The following TSHZ2 variants were observed in gnomAD, a reference collection of about 807,000 sequenced individuals.
TSHZ2 encodes the protein teashirt homolog 2.
Under a neutral mutation model 74.4 loss-of-function variants are expected in TSHZ2, and 21 were observed. The ratio of observed to expected loss-of-function variants is 0.28; its 90% CI spans 0.20 to 0.41. The LOEUF is 0.41. TSHZ2 is among the 10% of genes least tolerant of loss of function. TSHZ2 has a pLI of 1.00. For synonymous variants in TSHZ2, 540 were observed against 515.3 expected, an observed-to-expected ratio of 1.05 and a Z score of -0.65; for missense variants, 1,244 against 1,293.5, an observed-to-expected ratio of 0.96 and a Z score of 0.59.
intron 1 of TSHZ2, among the ~76,000 whole-genome samples, chr20:52,986,775 T>G (rs1389565356): frequency 6.6e-5 from 10 of 152,208 alleles, no homozygotes; most frequent in Admixed American, 6.5e-4. Context: ...CTGATTACCA[T>G]CAATGTATGG....
chr20:53,113,069 G>A (rs1212259705), intron 1 of TSHZ2, among the ~76,000 whole-genome samples: 1 of 152,184 alleles, frequency 6.6e-6, no homozygotes, highest in Non-Finnish European at 1.5e-5. Flanking sequence ...CAGTGAGATT[G>A]CATATTTGAT....
rs187310483 is a variant in TSHZ2, at chr20:52,988,333, G to A, written c.40+15000G>A. Among the ~76,000 whole-genome samples, 10 of 151,984 alleles carry A rather than the reference G, an allele frequency of 6.6e-5. No homozygotes were observed. The East Asian group carries it at 1.4e-3, about 21-fold the overall frequency. ...GATTATTGGCCAATTGAATAGATAC[G>A]GAAACCTAAGTTTTGGAAATTTCAA... On this transcript the variant is annotated intron_variant, in intron 1 of 2. Transcript: ENST00000371497.
rs1984964073 is a variant in TSHZ2, at chr20:53,065,750, A to G, written c.40+92417A>G. 2.0e-5 allele frequency among the ~76,000 whole-genome samples: 3 copies of G among 152,354 alleles called. No homozygotes were observed. In the South Asian group the frequency reaches 6.2e-4, roughly 32 times the overall value. Reference sequence around the variant, plus strand: ...GTGGCTTTGTGCTGCAGACGTGAATATATAGGTCTCTAGCCCAAATGGCAA... The same window carrying G: ...GTGGCTTTGTGCTGCAGACGTGAATGTATAGGTCTCTAGCCCAAATGGCAA... On this transcript the variant is annotated intron_variant, in intron 1 of 2. Transcript: ENST00000371497.
In TSHZ2 at chr20:53,293,605, C is replaced by G. The variant is rs1991320221; in HGVS notation, c.*8+37034C>G. ...CTTTGAGAAGGGGGAAGGCAAACAACAGTGTGGCACCAGACAGACTGGTTA... is the reference window on the plus strand; with the variant it reads ...CTTTGAGAAGGGGGAAGGCAAACAAGAGTGTGGCACCAGACAGACTGGTTA... On this transcript the variant is annotated intron_variant, in intron 2 of 2. Coordinates refer to ENST00000371497, the MANE Select transcript of TSHZ2 (RefSeq NM_173485.6). 2.0e-5 allele frequency among the ~76,000 whole-genome samples: 3 copies of G among 151,060 alleles called. No individual in the cohort carries two copies. The South Asian group carries it at 6.2e-4, about 31-fold the overall frequency.
chr20:53,470,697 C>G (rs1170718179), intron 2 of TSHZ2, among the ~76,000 whole-genome samples: 1 of 151,990 alleles, frequency 6.6e-6, no homozygotes, highest in African/African-American at 2.4e-5. Context: ...ACCTGTAACC[C>G]CAGCCACTCA....
chr20:53,482,914 CAGAAAA>C (rs1266351000), intron 2 of TSHZ2, among the ~76,000 whole-genome samples: 18 of 151,944 alleles, frequency 1.2e-4, no homozygotes, highest in Middle Eastern at 3.4e-3. Context: ...TCAAAAAAAA[CAGAAAA>C]AGAAAAAGAA....
At chr20:52,999,089 G>A (rs76033404) in intron 1 of TSHZ2, among the ~76,000 whole-genome samples, 6 of 143,384 alleles carry the variant, frequency 4.2e-5, no homozygotes, top group Middle Eastern at 3.5e-3. Context: ...TGAAAACCAC[G>A]TTCTACTCTT....
intron 1 of TSHZ2, 109 bp from the exon 2 acceptor site, chr20:53,253,390 A>G: frequency 6.7e-7 from 1 of 1,482,816 alleles, no homozygotes; most frequent in Non-Finnish European, 8.9e-7. Context: ...AAAAATGTAG[A>G]TTAAATCACC....
intron 2 of TSHZ2, among the ~76,000 whole-genome samples, chr20:53,283,935 A>G (rs1429810197): frequency 1.3e-5 from 2 of 152,220 alleles, no homozygotes; most frequent in Non-Finnish European, 1.5e-5. Flanking sequence ...CGCCTGCTCC[A>G]TCCAATTGAC....
At chr20:53,006,629 C>A (rs1392725170) in intron 1 of TSHZ2, among the ~76,000 whole-genome samples, 1 of 152,226 alleles carries the variant, frequency 6.6e-6, no homozygotes, top group Non-Finnish European at 1.5e-5. Context: ...GATTCACAAA[C>A]CTACATTTCA....
intron 1 of TSHZ2, among the ~76,000 whole-genome samples, chr20:53,222,624 G>T (rs1162946302): frequency 6.6e-6 from 1 of 152,210 alleles, no homozygotes; most frequent in East Asian, 1.9e-4. Context: ...GAGGGACACG[G>T]TGTCACTTAA....
At chr20:53,315,776 ATAAC>A (rs1454070836) in intron 2 of TSHZ2, among the ~76,000 whole-genome samples, 1 of 152,230 alleles carries the variant, frequency 6.6e-6, no homozygotes, top group Non-Finnish European at 1.5e-5. Flanking sequence ...TAATAAATAA[ATAAC>A]TAATCCATTA....
At position 53,394,761 on chromosome 20, in the gene TSHZ2, C is replaced by CAA. The variant is rs3042185; in HGVS notation, c.*9-92365_*9-92364dup. Among the ~76,000 whole-genome samples the CAA allele has an allele frequency of 6.9e-4, 50 of 72,340 alleles. 2 individuals are homozygous for CAA. The highest frequency in any genetic ancestry group is 1.8e-3 in the African/African-American group (34 of 18,636). The allele number at this position is 72,340 out of a possible 152,430, so 47.5% of individuals were successfully genotyped here. On this transcript the variant is annotated intron_variant, in intron 2 of 2. Coordinates refer to ENST00000371497, the MANE Select transcript of TSHZ2 (RefSeq NM_173485.6). ...GCAAACATCACTAATCAATCTGTCT[C>CAA]AAAAAAAAAAAAAAAAAAACTGTTC...
chr20:53,297,248 C>CTT (rs35627909), intron 2 of TSHZ2, among the ~76,000 whole-genome samples: 7,602 of 121,050 alleles, frequency 0.063, 490 homozygotes, highest in African/African-American at 0.15. Flanking sequence ...ATCTCAGAAT[C>CTT]TTTTTTTTTT....
intron 1 of TSHZ2, among the ~76,000 whole-genome samples, chr20:53,192,697 C>T (rs1199916115): frequency 6.6e-6 from 1 of 152,092 alleles, no homozygotes; most frequent in Non-Finnish European, 1.5e-5. Context: ...AAGGAAAATA[C>T]ACAAGGTGAG....
chr20:53,163,486 G>A (rs1273307157), intron 1 of TSHZ2, among the ~76,000 whole-genome samples: 1 of 149,700 alleles, frequency 6.7e-6, no homozygotes, highest in Admixed American at 6.7e-5. Context: ...AAGTTTTAGG[G>A]TACATGTGCA....
At chr20:53,006,148 A>G (rs1982636056) in intron 1 of TSHZ2, among the ~76,000 whole-genome samples, 1 of 152,244 alleles carries the variant, frequency 6.6e-6, no homozygotes. Flanking sequence ...GATGTTCAAC[A>G]TTATAAAAAG....
chr20:53,253,548 G>A lies in TSHZ2; in HGVS notation c.90G>A (p.Glu30=). The change falls in exon 2 of 3, where the codon GAG becomes GAA. Residue 30 remains glutamate, a synonymous_variant. Coordinates refer to ENST00000371497, the MANE Select transcript of TSHZ2 (RefSeq NM_173485.6). ...QLKEEEEIKE[E]EEEEDSGSVA... is the part of the protein sequence containing the mutation. ...AAGAAGAGGAGGAAATAAAAGAAGA[G>A]GAGGAGGAGGAGGACAGCGGTTCAG... is the stretch of plus-strand genomic sequence containing the variant. 4 of 1,609,942 alleles carry A rather than the reference G, an allele frequency of 2.5e-6. No individual in the cohort carries two copies. The highest frequency in any genetic ancestry group is 3.4e-6 in the Non-Finnish European group (4 of 1,177,554).
intron 2 of TSHZ2, among the ~76,000 whole-genome samples, chr20:53,318,180 G>C (rs1319722961): frequency 6.6e-6 from 1 of 152,212 alleles, no homozygotes; most frequent in African/African-American, 2.4e-5. Flanking sequence ...GAGATTTGAT[G>C]TGGGCCTTGA....
Sources: gnomAD v4.1 joint callset for allele counts (sites outside exome capture counted in the v4.1 genomes callset) on GRCh38, gnomAD v4.1.1 for gene constraint, MANE v1.5 for transcripts, NCBI Gene and HGNC (gene_info 2026-07-23, HGNC 2026-07-21) for gene names.